Variants in DPYD observed in about 807,000 individuals in gnomAD.
The protein encoded by DPYD is dihydropyrimidine dehydrogenase [NADP(+)].
A neutral mutation model predicts 116.2 loss-of-function variants in DPYD; 109 were observed. The ratio of observed to expected loss-of-function variants is 0.94; its 90% CI spans 0.80 to 1.10. The LOEUF is 1.10. DPYD is among the 50% of genes least tolerant of loss of function. The pLI, the probability that DPYD is intolerant of heterozygous loss-of-function variation, is 0.00. For synonymous variants in DPYD, 440 were observed against 432.0 expected, an observed-to-expected ratio of 1.02 and a Z score of -0.23; for missense variants, 1,302 against 1,254.5, an observed-to-expected ratio of 1.04 and a Z score of -0.57.
chr1:97,883,738 T>C, intron 1 of DPYD: 1 of 359,790 alleles, frequency 2.8e-6, no homozygotes, highest in Non-Finnish European at 5.3e-6. Flanking sequence ...TGAGCCACCA[T>C]GTCTGGTAGC....
intron 16 of DPYD, among the ~76,000 whole-genome samples, chr1:97,354,511 A>G (rs960995451): frequency 5.3e-5 from 8 of 152,236 alleles, no homozygotes; most frequent in Non-Finnish European, 1.2e-4. Flanking sequence ...TAATATGCAT[A>G]TATAAGTAGT....
intron 20 of DPYD, among the ~76,000 whole-genome samples, chr1:97,154,435 T>C (rs1293244868): frequency 6.6e-6 from 1 of 152,112 alleles, no homozygotes; most frequent in Non-Finnish European, 1.5e-5. Context: ...AATTGGGGGC[T>C]AAGCTATGAT....
intron 13 of DPYD, among the ~76,000 whole-genome samples, chr1:97,470,322 A>G (rs1677571771): frequency 6.6e-6 from 1 of 152,198 alleles, no homozygotes. Context: ...GTCAGAGATA[A>G]CATCTCAAAA....
At chr1:97,504,066 C>T (rs1347465493) in intron 13 of DPYD, among the ~76,000 whole-genome samples, 2 of 151,870 alleles carry the variant, frequency 1.3e-5, no homozygotes, top group Non-Finnish European at 2.9e-5. Context: ...AAAATGTTAA[C>T]AAAAAGTTAG....
chr1:97,519,212 A>G (rs1648462566), intron 12 of DPYD, among the ~76,000 whole-genome samples: 1 of 152,168 alleles, frequency 6.6e-6, no homozygotes. Flanking sequence ...AAGAGGTTTA[A>G]CTGGACTTAC....
intron 10 of DPYD, among the ~76,000 whole-genome samples, chr1:97,578,610 T>C (rs549071400): frequency 1.3e-5 from 2 of 152,346 alleles, no homozygotes; most frequent in South Asian, 2.1e-4. Flanking sequence ...ATCTTCATTA[T>C]GTCCAAGAAT....
chr1:97,217,183 C>T (rs1399495543), intron 19 of DPYD, among the ~76,000 whole-genome samples: 3 of 152,042 alleles, frequency 2.0e-5, no homozygotes, highest in Middle Eastern at 3.4e-3. Context: ...ACTCCAGCCT[C>T]GGCGACAGAG....
At chr1:97,513,621 A>G (rs1647972091) in intron 13 of DPYD, among the ~76,000 whole-genome samples, 1 of 151,870 alleles carries the variant, frequency 6.6e-6, no homozygotes, top group Admixed American at 6.6e-5. Flanking sequence ...AGGCTAATCT[A>G]AATTGGTATA....
intron 19 of DPYD, among the ~76,000 whole-genome samples, chr1:97,195,007 A>G (rs1658647864): frequency 6.6e-6 from 1 of 152,156 alleles, no homozygotes; most frequent in South Asian, 2.1e-4. Context: ...TACTGCTTCT[A>G]GGTTGCTTAT....
chr1:97,523,597 ATCTCCTATCCC>A (rs1337282974), intron 12 of DPYD, among the ~76,000 whole-genome samples: 1 of 151,990 alleles, frequency 6.6e-6, no homozygotes, highest in African/African-American at 2.4e-5. Flanking sequence ...TTCTAATCTC[ATCTCCTATCCC>A]TCCTTCAAAA....
chr1:97,187,950 T>C lies in DPYD; in HGVS notation c.2622+5119A>G, dbSNP rs188464909. Among the ~76,000 whole-genome samples the C allele has an allele frequency of 1.1e-3, 163 of 152,326 alleles. 1 individual carries two copies. The highest frequency in any genetic ancestry group is 9.3e-4 in the Non-Finnish European group (63 of 68,024). The stretch of plus-strand genomic sequence containing the variant: ...ATCCATGTGTCTATTTTTGTACCAG[T>C]ACCATGCTGTTTTTATTACCACAGC... On this transcript the variant is annotated intron_variant, in intron 20 of 22. Transcript: ENST00000370192.
At chr1:97,671,068 A>G (rs1423350000) in intron 8 of DPYD, among the ~76,000 whole-genome samples, 2 of 152,116 alleles carry the variant, frequency 1.3e-5, no homozygotes, top group African/African-American at 4.8e-5. Context: ...TTTGTGTTTT[A>G]TAAAAGGTTT....
chr1:97,089,658 T>C (rs1649755524), intron 21 of DPYD, among the ~76,000 whole-genome samples: 1 of 152,134 alleles, frequency 6.6e-6, no homozygotes, highest in South Asian at 2.1e-4. Context: ...CCTTATGGAA[T>C]TGGTAGCTTC....
chr1:97,669,732 C>T (rs577819418), intron 8 of DPYD, among the ~76,000 whole-genome samples: 3 of 152,186 alleles, frequency 2.0e-5, no homozygotes, highest in South Asian at 2.1e-4. Flanking sequence ...AAATAAGGAA[C>T]GGATAAAACA....
chr1:97,841,623 A>G (rs950469999), intron 2 of DPYD, among the ~76,000 whole-genome samples: 4 of 152,166 alleles, frequency 2.6e-5, no homozygotes, highest in Non-Finnish European at 5.9e-5. Flanking sequence ...AATATCTGAC[A>G]TAAGTATTTA....
intron 20 of DPYD, 29 bp downstream of exon 20, chr1:97,193,040 A>G (rs1441322420): frequency 1.2e-6 from 2 of 1,612,526 alleles, no homozygotes; most frequent in East Asian, 4.5e-5. Context: ...TGAGTTCTCA[A>G]GAATAACACA....
chr1:97,191,788 G>T (rs1156799436), intron 20 of DPYD, among the ~76,000 whole-genome samples: 1 of 152,064 alleles, frequency 6.6e-6, no homozygotes, highest in Non-Finnish European at 1.5e-5. Context: ...TCGAATGATT[G>T]TAAAGTCATT....
Position 97,699,961 on chromosome 1 carries a change from G to A in DPYD, c.484-414C>T, listed in dbSNP as rs192067883. Among the ~76,000 whole-genome samples, 5 of 152,176 alleles carry A rather than the reference G, an allele frequency of 3.3e-5. No individual in the cohort carries two copies. The East Asian group carries it at 9.7e-4, about 29-fold the overall frequency. On this transcript the variant is annotated intron_variant, in intron 5 of 22. Coordinates refer to ENST00000370192, the MANE Select transcript of DPYD (RefSeq NM_000110.4). ...TAAACACATTACCCTTGCATTATAG[G>A]AGTTAGCATTGCGATGGCACACGGT...
At chr1:97,474,697 G>T (rs553810399) in intron 13 of DPYD, among the ~76,000 whole-genome samples, 1 of 152,014 alleles carries the variant, frequency 6.6e-6, no homozygotes, top group South Asian at 2.1e-4. Flanking sequence ...CAAACTTGTG[G>T]TGGCATATAA....
Sources: gnomAD v4.1 joint callset for allele counts (sites outside exome capture counted in the v4.1 genomes callset) on GRCh38, gnomAD v4.1.1 for gene constraint, MANE v1.5 for transcripts, NCBI Gene and HGNC (gene_info 2026-07-23, HGNC 2026-07-21) for gene names.